Variants in C5orf52 observed in about 807,000 individuals in gnomAD.
C5orf52 encodes the protein uncharacterized protein C5orf52.
C5orf52 carries 15 observed loss-of-function variants against 16.8 expected under a neutral mutation model. The ratio of observed to expected loss-of-function variants is 0.89; its 90% CI spans 0.60 to 1.38. The LOEUF (loss-of-function observed/expected upper bound fraction) is 1.38, where lower values mean the gene tolerates loss of function less well. Among genes scored for constraint, C5orf52 ranks in the 40% most tolerant of loss-of-function variants. The pLI is 0.00. For synonymous variants in C5orf52, 83 were observed against 87.2 expected, an observed-to-expected ratio of 0.95 and a Z score of 0.27; for missense variants, 206 against 213.1, an observed-to-expected ratio of 0.97 and a Z score of 0.21.
At chr5:157,671,962 C>T (rs534153387) in intron 1 of C5orf52, 136 bp downstream of exon 1, 92 of 570,520 alleles carry the variant, frequency 1.6e-4, no homozygotes, top group African/African-American at 1.3e-3. Context: ...CTCGTAGCCC[C>T]GGGCACCAGC....
At position 157,671,669 on chromosome 5, in the gene C5orf52, G is replaced by A. The variant is rs765139993; in HGVS notation, c.55G>A (p.Gly19Ser). 6 of 1,551,272 alleles carry A rather than the reference G, an allele frequency of 3.9e-6. No individual in the cohort carries two copies. The highest frequency in any genetic ancestry group is 5.2e-6 in the Non-Finnish European group (6 of 1,146,864). ...CTGTGACCAGGGATCCTCCACGATC[G>A]GCGGGACCGCCGCCCAGGCGACCAC... ...VTCDQGSSTI[G>S]GTAAQATTSS... Residue 19 changes from glycine to serine, a missense_variant, in exon 1 of 3, where the codon GGC (glycine) becomes AGC (serine). Physicochemically the swap from Gly to Ser is moderately conservative, Grantham distance 56 (BLOSUM62 0). Coordinates refer to ENST00000409999, the MANE Select transcript of C5orf52 (RefSeq NM_001145132.2).
upstream of C5orf52, among the ~76,000 whole-genome samples, chr5:157,671,130 C>T (rs59717393): frequency 8.3e-3 from 1,260 of 152,280 alleles, 17 homozygotes; most frequent in African/African-American, 0.029. Context: ...GATCCTGGAG[C>T]CTCAATCCCC....
At position 157,671,836 on chromosome 5, in the gene C5orf52, G is replaced by C; in HGVS notation, c.212+10G>C. 6.7e-7 allele frequency: 1 copy of C among 1,491,600 alleles called. No homozygotes were observed. Among genetic ancestry groups the C allele is most frequent in the Non-Finnish European group, 9.0e-7 (1 of 1,113,582 alleles). The allele number at this position is 1,491,600 out of a possible 1,614,324, so 92.4% of individuals were successfully genotyped here. ...AGCCGGTGCTGTTCAGGTGTGGCCC[G>C]CATGCCCAGAGCGTTCGTCAGACCC... On this transcript the variant is annotated intron_variant, in intron 1 of 2. Transcript: ENST00000409999.
At chr5:157,671,903 C>T (rs1278779533) in intron 1 of C5orf52, 77 bp downstream of exon 1, 2 of 1,019,554 alleles carry the variant, frequency 2.0e-6, no homozygotes, top group African/African-American at 3.3e-5. Flanking sequence ...GACTCGCGCT[C>T]CCCTTAGCCG....
chr5:157,676,316 A>G (rs985126304), intron 2 of C5orf52, among the ~76,000 whole-genome samples: 2 of 151,966 alleles, frequency 1.3e-5, no homozygotes, highest in African/African-American at 4.8e-5. Flanking sequence ...CAGGTGATCC[A>G]CCCACCTCAG....
chr5:157,679,902 A>G lies in C5orf52; in HGVS notation c.383A>G (p.Lys128Arg), dbSNP rs911357194. 3 of 1,551,858 alleles carry G rather than the reference A, an allele frequency of 1.9e-6. No homozygotes were observed. The highest frequency in any genetic ancestry group is 2.4e-5 in the East Asian group (1 of 40,920). Residue 128 changes from lysine to arginine, a missense_variant, in exon 3 of 3, where the codon AAG becomes AGG. Physicochemically the swap from Lys to Arg is conservative, Grantham distance 26. Coordinates refer to ENST00000409999, the MANE Select transcript of C5orf52 (RefSeq NM_001145132.2). ...CACTACTATGAACACCTGAAAAAAA[A>G]GTTCATGACAGAGCAGCTCAGAAAG... ...ISHYYEHLKK[K>R]FMTEQLRKLG... is the part of the protein sequence containing the mutation.
At chr5:157,676,404 T>C (rs1759895447) in intron 2 of C5orf52, among the ~76,000 whole-genome samples, 1 of 152,170 alleles carries the variant, frequency 6.6e-6, no homozygotes, top group Non-Finnish European at 1.5e-5. Context: ...TTGAGCTTCC[T>C]TCCATGTTCC....
intron 1 of C5orf52, among the ~76,000 whole-genome samples, chr5:157,673,636 A>G (rs557215253): frequency 1.3e-5 from 2 of 152,226 alleles, no homozygotes; most frequent in Non-Finnish European, 2.9e-5. Context: ...CACATTTTAG[A>G]AAGAAAATAT....
chr5:157,672,586 G>A (rs962862016), intron 1 of C5orf52, among the ~76,000 whole-genome samples: 1 of 151,976 alleles, frequency 6.6e-6, no homozygotes, highest in South Asian at 2.1e-4. Flanking sequence ...GGGGACTTTT[G>A]TGTTTGAGCA....
At chr5:157,673,132 G>A (rs1171759822) in intron 1 of C5orf52, among the ~76,000 whole-genome samples, 1 of 151,972 alleles carries the variant, frequency 6.6e-6, no homozygotes, top group African/African-American at 2.4e-5. Context: ...GAGCTCAGGA[G>A]TTCGAGACCA....
Position 157,671,682 on chromosome 5 carries a change from C to G in C5orf52, c.68C>G (p.Ala23Gly). 1 of 1,551,350 alleles carries G rather than the reference C, an allele frequency of 6.4e-7. No homozygotes were observed. The highest frequency in any genetic ancestry group is 8.7e-7 in the Non-Finnish European group (1 of 1,146,894). Residue 23 changes from alanine (A) to glycine (G), a missense_variant, in exon 1 of 3, where the codon GCC (alanine) becomes GGC (glycine). Transcript: ENST00000409999. The part of the protein sequence containing the change: ...QGSSTIGGTA[A>G]QATTSSSATS... Reference sequence around the variant, plus strand: ...TCCTCCACGATCGGCGGGACCGCCGCCCAGGCGACCACCAGTTCCAGCGCC... The same window carrying G: ...TCCTCCACGATCGGCGGGACCGCCGGCCAGGCGACCACCAGTTCCAGCGCC...
chr5:157,675,968 A>C (rs1759886857), intron 2 of C5orf52, among the ~76,000 whole-genome samples: 1 of 152,002 alleles, frequency 6.6e-6, no homozygotes, highest in African/African-American at 2.4e-5. Context: ...CCTGCTTGGG[A>C]CAGGTACTGT....
upstream of C5orf52, chr5:157,671,432 C>T: frequency 3.4e-6 from 2 of 593,656 alleles, no homozygotes; most frequent in Middle Eastern, 4.5e-4. Flanking sequence ...GGCCGCCGGA[C>T]TCTGCACGCA....
upstream of C5orf52, chr5:157,671,424 C>T: frequency 1.7e-6 from 1 of 588,172 alleles, no homozygotes; most frequent in South Asian, 2.2e-5. Context: ...GCGTCCGTGG[C>T]CGCCGGACTC....
upstream of C5orf52, chr5:157,671,363 A>C: frequency 1.9e-6 from 1 of 526,818 alleles, no homozygotes. Flanking sequence ...GTCCGTCTTC[A>C]CAGCAACGCG....
upstream of C5orf52, among the ~76,000 whole-genome samples, chr5:157,671,141 G>A (rs1484584087): frequency 6.6e-6 from 1 of 152,176 alleles, no homozygotes; most frequent in African/African-American, 2.4e-5. Flanking sequence ...CTCAATCCCC[G>A]CTGACCCAGC....
rs565647689 is a variant in C5orf52 at position 157,679,706 on chromosome 5, T to C, written c.322-135T>C. The C allele has an allele frequency of 8.4e-5, 64 of 760,874 alleles. No homozygotes were observed. The African/African-American group carries it at 1.0e-3, about 12-fold the overall frequency. 47.1% of individuals were successfully genotyped at this position (760,874 alleles called of 1,614,324 possible). A position where few individuals can be genotyped will look rare whatever the true frequency, so the allele number is the denominator to read the frequency against. Reference sequence around the variant, plus strand: ...TAGGCTCTCTGTGAGTCAAAGTATATGGAATGTACATAGGGTCCAGCTGAC... The same window carrying C: ...TAGGCTCTCTGTGAGTCAAAGTATACGGAATGTACATAGGGTCCAGCTGAC... On this transcript the variant is annotated intron_variant, in intron 2 of 2. Coordinates refer to ENST00000409999, the MANE Select transcript of C5orf52 (RefSeq NM_001145132.2).
chr5:157,671,914 G>A, intron 1 of C5orf52, 88 bp downstream of exon 1: 2 of 918,076 alleles, frequency 2.2e-6, no homozygotes, highest in South Asian at 3.6e-5. Context: ...CCCTTAGCCG[G>A]ACCCCGGCCC....
At chr5:157,677,663 AAAAAAAGAAAAG>A (rs1433709396) in intron 2 of C5orf52, among the ~76,000 whole-genome samples, 1 of 140,718 alleles carries the variant, frequency 7.1e-6, no homozygotes, top group African/African-American at 3.0e-5. Flanking sequence ...TCAAAAAAAA[AAAAAAAGAAAAG>A]AAAAGAAAAG....
Sources: allele counts gnomAD v4.1 joint callset (sites outside exome capture counted in the v4.1 genomes callset), GRCh38; gene constraint gnomAD v4.1.1; transcripts MANE v1.5; gene names NCBI Gene and HGNC (gene_info 2026-07-23, HGNC 2026-07-21).